C2orf76: variants seen among roughly 807,000 people sequenced by gnomAD.
The protein encoded by C2orf76 is chromosome 2 open reading frame 76, also known as UPF0538 protein C2orf76.
In C2orf76, 23 loss-of-function variants were observed where a neutral mutation model predicts 16.9. That is an observed-to-expected ratio of 1.36 (90% CI 0.98 to 1.93). The LOEUF (loss-of-function observed/expected upper bound fraction) is 1.93. C2orf76 is among the 30% of genes most tolerant of loss of function. The pLI, the probability that C2orf76 is intolerant of heterozygous loss-of-function variation, is 0.00. For missense variants in C2orf76, 152 were observed against 152.6 expected (o/e 1.00, Z 0.02); for synonymous variants, 48 against 52.3 (o/e 0.92, Z 0.35).
intron 1 of C2orf76, among the ~76,000 whole-genome samples, chr2:119,361,587 C>G (rs1331740404): frequency 6.6e-6 from 1 of 152,006 alleles, no homozygotes; most frequent in Non-Finnish European, 1.5e-5. Context: ...TTAAAGTATA[C>G]AGAAGAATGT....
chr2:119,292,160 A>G, the C2orf76 span, among the ~76,000 whole-genome samples: 1 of 152,174 alleles, frequency 6.6e-6, no homozygotes, highest in African/African-American at 2.4e-5. Context: ...CCACAAGTTC[A>G]CTTCTAGGTC....
At chr2:119,343,923 G>A (rs1298821500) in intron 1 of C2orf76, among the ~76,000 whole-genome samples, 3 of 152,306 alleles carry the variant, frequency 2.0e-5, no homozygotes, top group African/African-American at 4.8e-5. Context: ...ATAGGTTTGG[G>A]TATAAAGACA....
chr2:119,343,095 A>G (rs1470385255), intron 1 of C2orf76, among the ~76,000 whole-genome samples: 1 of 152,160 alleles, frequency 6.6e-6, no homozygotes, highest in Non-Finnish European at 1.5e-5. Context: ...CAAGCAAGTC[A>G]CATTAATTTG....
intron 2 of C2orf76, among the ~76,000 whole-genome samples, chr2:119,333,952 T>C (rs966979580): frequency 1.3e-5 from 2 of 152,186 alleles, no homozygotes; most frequent in Non-Finnish European, 2.9e-5. Flanking sequence ...CATGTTTCTC[T>C]GTTCTTTTTT....
chr2:119,336,409 A>C lies in C2orf76; in HGVS notation c.133+3418T>G, dbSNP rs78139671. ...TGTCTCAAAATAAATAAATAAATTT[A>C]TCATACATCAGAAATAGGTTTATTA... On this transcript the variant is annotated intron_variant, in intron 2 of 5. Coordinates refer to ENST00000334816, the MANE Select transcript of C2orf76 (RefSeq NM_001322331.2). Among the ~76,000 whole-genome samples the C allele has an allele frequency of 4.8e-3, 723 of 152,130 alleles. 7 individuals are homozygous for C. The highest frequency in any genetic ancestry group is 0.016 in the African/African-American group (647 of 41,524).
intron 2 of C2orf76, among the ~76,000 whole-genome samples, chr2:119,330,410 A>G (rs964522733): frequency 3.8e-4 from 57 of 150,632 alleles, no homozygotes; most frequent in Admixed American, 6.6e-4. Flanking sequence ...ACTGATTCTG[A>G]TGAGAAGTTG....
intron 5 of C2orf76, among the ~76,000 whole-genome samples, chr2:119,308,981 A>T (rs1034496470): frequency 5.3e-5 from 8 of 152,188 alleles, no homozygotes; most frequent in African/African-American, 1.4e-4. Flanking sequence ...TGCTAATCTT[A>T]TAACAATTGC....
chr2:119,353,556 CTTTTTTTTTT>C (rs755724739), intron 1 of C2orf76, among the ~76,000 whole-genome samples: 1 of 124,586 alleles, frequency 8.0e-6, no homozygotes, highest in Non-Finnish European at 1.7e-5. Flanking sequence ...CAAGAATTTT[CTTTTTTTTTT>C]TTTTTTTTGA....
At chr2:119,355,277 G>A (rs1174925966) in intron 1 of C2orf76, among the ~76,000 whole-genome samples, 1 of 152,130 alleles carries the variant, frequency 6.6e-6, no homozygotes, top group Admixed American at 6.5e-5. Flanking sequence ...TTTCTCCATG[G>A]GTCTCTCACA....
chr2:119,320,138 A>T (rs1236207516), intron 3 of C2orf76, among the ~76,000 whole-genome samples: 1 of 152,224 alleles, frequency 6.6e-6, no homozygotes, highest in African/African-American at 2.4e-5. Context: ...CGCTTTCATT[A>T]TCTAAAATTT....
rs560653780 is a variant in C2orf76, at chr2:119,340,570, A to C, written c.-12-599T>G. Among the ~76,000 whole-genome samples, 4 of 152,278 alleles carry C rather than the reference A, an allele frequency of 2.6e-5. No individual in the cohort carries two copies. The East Asian group carries it at 7.7e-4, about 29-fold the overall frequency. Reference sequence around the variant, plus strand: ...TAATGTTATCTCATTTAATTCATTTAATTCTCTAAACAAAACATGAAGCAT... The same window carrying C: ...TAATGTTATCTCATTTAATTCATTTCATTCTCTAAACAAAACATGAAGCAT... On this transcript the variant is annotated intron_variant, in intron 1 of 5. Coordinates refer to ENST00000334816, the MANE Select transcript of C2orf76 (RefSeq NM_001322331.2).
chr2:119,361,870 G>A lies in C2orf76; in HGVS notation c.-13+4920C>T, dbSNP rs13406070. 4.0e-3 allele frequency among the ~76,000 whole-genome samples: 613 copies of A among 152,236 alleles called. 1 individual carries two copies. Among genetic ancestry groups the A allele is most frequent in the African/African-American group, 0.014 (577 of 41,528 alleles). On this transcript the variant is annotated intron_variant, in intron 1 of 5. Coordinates refer to ENST00000334816, the MANE Select transcript of C2orf76 (RefSeq NM_001322331.2). Reference sequence around the variant, plus strand: ...TTTTTGAACAACATTGCCCTTTGAAGGAATTATTAGCCAAAGCATGTCAGC... The same window carrying A: ...TTTTTGAACAACATTGCCCTTTGAAAGAATTATTAGCCAAAGCATGTCAGC...
At chr2:119,362,815 T>C (rs1171354019) in intron 1 of C2orf76, among the ~76,000 whole-genome samples, 1 of 152,134 alleles carries the variant, frequency 6.6e-6, no homozygotes, top group Non-Finnish European at 1.5e-5. Flanking sequence ...CCAGCCCAAG[T>C]TGGCTAGGCA....
At position 119,302,695 on chromosome 2, in the gene C2orf76, C is replaced by T. The variant is rs73948643; in HGVS notation, c.305-147G>A. On this transcript the variant is annotated intron_variant, in intron 5 of 5. Coordinates refer to ENST00000334816, the MANE Select transcript of C2orf76 (RefSeq NM_001322331.2). ...AAGATGAGTTATTTGTTGGGTCGCA[C>T]AATGCATTTTACCAAATCAACAAGA... 8.4e-3 allele frequency: 3,494 copies of T among 416,898 alleles called. 90 individuals are homozygous for T. The highest frequency in any genetic ancestry group is 0.064 in the African/African-American group (3,123 of 48,770). 25.8% of individuals were successfully genotyped at this position (416,898 alleles called of 1,614,324 possible).
chr2:119,286,643 C>T, the C2orf76 span, among the ~76,000 whole-genome samples: 37 of 152,038 alleles, frequency 2.4e-4, no homozygotes, highest in African/African-American at 8.0e-4. Flanking sequence ...AGGACCCATC[C>T]GATGGTTCTG....
At chr2:119,333,208 C>T (rs1679732517) in intron 2 of C2orf76, among the ~76,000 whole-genome samples, 1 of 152,036 alleles carries the variant, frequency 6.6e-6, no homozygotes, top group Non-Finnish European at 1.5e-5. Flanking sequence ...TATTGTATTC[C>T]TTTCAAAAAA....
chr2:119,306,023 G>A (rs921147206), intron 5 of C2orf76, among the ~76,000 whole-genome samples: 15 of 151,968 alleles, frequency 9.9e-5, no homozygotes, highest in Admixed American at 9.2e-4. Context: ...GTGTGGGAAG[G>A]TAAAACGGGA....
the C2orf76 span, among the ~76,000 whole-genome samples, chr2:119,283,739 T>C: frequency 6.6e-6 from 1 of 152,188 alleles, no homozygotes; most frequent in Admixed American, 6.5e-5. Flanking sequence ...CCTCCCAAAG[T>C]GCTTGGATTA....
the C2orf76 span, among the ~76,000 whole-genome samples, chr2:119,288,895 C>T: frequency 6.6e-6 from 1 of 152,040 alleles, no homozygotes; most frequent in Non-Finnish European, 1.5e-5. Context: ...TGAGTCACTC[C>T]AGCCCCCAGC....
Sources: gnomAD v4.1 joint callset for allele counts (sites outside exome capture counted in the v4.1 genomes callset) on GRCh38, gnomAD v4.1.1 for gene constraint, MANE v1.5 for transcripts, NCBI Gene and HGNC (gene_info 2026-07-23, HGNC 2026-07-21) for gene names.